The following LCLAT1 variants were observed in gnomAD, a reference collection of about 807,000 sequenced individuals.
LCLAT1 encodes lysocardiolipin acyltransferase 1.
A neutral mutation model predicts 30.7 loss-of-function variants in LCLAT1; 11 were observed. That is an observed-to-expected ratio of 0.36 (90% CI 0.23 to 0.59). The LOEUF (loss-of-function observed/expected upper bound fraction) is 0.59. LCLAT1 is among the 20% of genes least tolerant of loss of function. The pLI is 0.77. For synonymous variants in LCLAT1, 155 were observed against 151.3 expected, an observed-to-expected ratio of 1.02 and a Z score of -0.18; for missense variants, 402 against 458.6, an observed-to-expected ratio of 0.88 and a Z score of 1.13.
intron 1 of LCLAT1, among the ~76,000 whole-genome samples, chr2:30,452,465 T>C (rs925810927): frequency 6.6e-6 from 1 of 152,224 alleles, no homozygotes; most frequent in African/African-American, 2.4e-5. Context: ...CACATCATGC[T>C]GTTTTACAAT....
chr2:30,540,948 C>G (rs1283820593), intron 3 of LCLAT1, among the ~76,000 whole-genome samples: 1 of 152,148 alleles, frequency 6.6e-6, no homozygotes, highest in Non-Finnish European at 1.5e-5. Flanking sequence ...CAGGTGTGAG[C>G]CACCACACCC....
chr2:30,525,921 A>G (rs138604242), intron 2 of LCLAT1, among the ~76,000 whole-genome samples, 166 bp downstream of exon 2: 74 of 152,312 alleles, frequency 4.9e-4, no homozygotes, highest in South Asian at 1.7e-3. Flanking sequence ...AATACCGACT[A>G]CAACGTAAAT....
At chr2:30,505,288 A>G (rs920297438) in intron 1 of LCLAT1, among the ~76,000 whole-genome samples, 40 of 151,800 alleles carry the variant, frequency 2.6e-4, no homozygotes, top group African/African-American at 9.4e-4. Flanking sequence ...CTGTGAAGGC[A>G]AGGACACCAA....
intron 5 of LCLAT1, among the ~76,000 whole-genome samples, chr2:30,624,834 T>C (rs533758736): frequency 1.3e-5 from 2 of 152,304 alleles, no homozygotes; most frequent in Admixed American, 6.5e-5. Flanking sequence ...CATCAGTACC[T>C]GGAACATTCT....
chr2:30,598,936 A>G (rs1162651058), intron 5 of LCLAT1, among the ~76,000 whole-genome samples: 7 of 150,692 alleles, frequency 4.6e-5, no homozygotes, highest in East Asian at 1.9e-4. Context: ...AAGTTGTTCA[A>G]TTTCCATGTA....
At chr2:30,472,106 T>C (rs1682826999) in intron 1 of LCLAT1, among the ~76,000 whole-genome samples, 1 of 152,196 alleles carries the variant, frequency 6.6e-6, no homozygotes, top group South Asian at 2.1e-4. Flanking sequence ...TAATTTAAAA[T>C]TTTTGCTAGT....
At chr2:30,531,922 A>G (rs975260317) in intron 2 of LCLAT1, among the ~76,000 whole-genome samples, 1 of 152,212 alleles carries the variant, frequency 6.6e-6, no homozygotes, top group African/African-American at 2.4e-5. Context: ...ACTGTCAACC[A>G]GGTCAAGAAA....
chr2:30,536,697 T>A (rs1385488876), intron 3 of LCLAT1, among the ~76,000 whole-genome samples: 3 of 152,116 alleles, frequency 2.0e-5, no homozygotes, highest in Non-Finnish European at 4.4e-5. Flanking sequence ...TAAAACATAC[T>A]AATAGAACAG....
chr2:30,470,843 C>T (rs934953353), intron 1 of LCLAT1, among the ~76,000 whole-genome samples: 6 of 151,072 alleles, frequency 4.0e-5, no homozygotes, highest in Admixed American at 4.0e-4. Flanking sequence ...CTGTAGATTG[C>T]TTTGAGTAGT....
chr2:30,568,155 G>A lies in LCLAT1; in HGVS notation c.607G>A (p.Val203Met), dbSNP rs2148449502. 1 of 1,592,806 alleles carries A rather than the reference G, an allele frequency of 6.3e-7. No individual in the cohort carries two copies. Among genetic ancestry groups the A allele is most frequent in the Non-Finnish European group, 8.6e-7 (1 of 1,168,002 alleles). ...TCCAAGAACTACAGGCTTTACTTTT[G>A]TGGTAGACCGTCTAAGAGAAGGTAA... ...LHPRTTGFTFVVDRLREGKNL... is the reference protein window; with the variant it reads ...LHPRTTGFTFMVDRLREGKNL... Residue 203 changes from valine (V) to methionine (M), a missense_variant, in exon 5 of 6, where the codon GTG (valine) becomes ATG (methionine). By Grantham distance (21) the Val-to-Met change is conservative (BLOSUM62 1). Coordinates refer to ENST00000379509, the MANE Select transcript of LCLAT1 (RefSeq NM_001002257.3).
At chr2:30,601,040 C>G (rs1424316283) in intron 5 of LCLAT1, among the ~76,000 whole-genome samples, 1 of 152,090 alleles carries the variant, frequency 6.6e-6, no homozygotes, top group African/African-American at 2.4e-5. Context: ...ACATAGTCTT[C>G]AAGCTCTGAG....
chr2:30,612,036 C>A (rs903180470), intron 5 of LCLAT1, among the ~76,000 whole-genome samples: 1 of 152,056 alleles, frequency 6.6e-6, no homozygotes, highest in Non-Finnish European at 1.5e-5. Flanking sequence ...ATGAAGCTTT[C>A]TTTTCTGTGA....
intron 1 of LCLAT1, among the ~76,000 whole-genome samples, chr2:30,491,795 A>T (rs188128850): frequency 2.8e-4 from 43 of 152,294 alleles, no homozygotes; most frequent in Middle Eastern, 3.4e-3. Context: ...TGTAAGTTAT[A>T]TGTAGATGGT....
chr2:30,540,063 A>C (rs1219799663), intron 3 of LCLAT1, among the ~76,000 whole-genome samples: 1 of 152,236 alleles, frequency 6.6e-6, no homozygotes, highest in Admixed American at 6.5e-5. Flanking sequence ...CAAAAGCTAC[A>C]AAGAGTTGTA....
rs963742110 is a variant in LCLAT1, at chr2:30,559,317, C to G, written c.365-2829C>G. 2.6e-5 allele frequency among the ~76,000 whole-genome samples: 4 copies of G among 152,168 alleles called. No homozygotes were observed. The East Asian group carries it at 7.7e-4, about 29-fold the overall frequency. On this transcript the variant is annotated intron_variant, in intron 3 of 5. Transcript: ENST00000379509. The stretch of plus-strand genomic sequence containing the variant: ...TAAGCTCTCTACCTATATATACTTA[C>G]TGTCCGCACACTTCACTGTAAGTTA...
intron 1 of LCLAT1, among the ~76,000 whole-genome samples, chr2:30,467,268 C>T (rs1462061594): frequency 1.3e-5 from 2 of 152,218 alleles, no homozygotes; most frequent in Non-Finnish European, 2.9e-5. Flanking sequence ...AGGACATGAA[C>T]TCATCCTTTT....
At chr2:30,575,640 A>G (rs1665964110) in intron 5 of LCLAT1, among the ~76,000 whole-genome samples, 1 of 152,190 alleles carries the variant, frequency 6.6e-6, no homozygotes. Flanking sequence ...GGAGGATAAA[A>G]GAGTACATTT....
At chr2:30,461,081 G>A (rs1682097472) in intron 1 of LCLAT1, among the ~76,000 whole-genome samples, 1 of 152,166 alleles carries the variant, frequency 6.6e-6, no homozygotes, top group Non-Finnish European at 1.5e-5. Flanking sequence ...TGTGAGAATC[G>A]TTGAAACTGA....
chr2:30,467,573 A>G (rs1008828863), intron 1 of LCLAT1, among the ~76,000 whole-genome samples: 10 of 152,132 alleles, frequency 6.6e-5, no homozygotes, highest in African/African-American at 1.7e-4. Context: ...AAGTGTTCCT[A>G]TTTCTCCACA....
Sources: gnomAD v4.1 joint callset for allele counts (sites outside exome capture counted in the v4.1 genomes callset) on GRCh38, gnomAD v4.1.1 for gene constraint, MANE v1.5 for transcripts, NCBI Gene and HGNC (gene_info 2026-07-23, HGNC 2026-07-21) for gene names.